Variants in RELN observed in about 807,000 individuals in gnomAD.
RELN encodes the protein reelin.
Under a neutral mutation model 427.6 loss-of-function variants are expected in RELN, and 108 were observed. The ratio of observed to expected loss-of-function variants is 0.25; its 90% confidence interval spans 0.22 to 0.30. The LOEUF is 0.30. RELN is among the 10% of genes least tolerant of loss of function. The pLI is 1.00. For synonymous variants in RELN, 1,524 were observed against 1,513.4 expected (o/e 1.01, Z -0.16); for missense variants, 3,715 against 4,302.8 (o/e 0.86, Z 3.82).
intron 1 of RELN, among the ~76,000 whole-genome samples, chr7:103,929,652 C>G (rs1795818193): frequency 6.6e-6 from 1 of 152,088 alleles, no homozygotes. Context: ...TATCTAACAC[C>G]CATATTTTCT....
intron 2 of RELN, among the ~76,000 whole-genome samples, chr7:103,913,712 C>T (rs1453201034): frequency 6.6e-6 from 1 of 151,928 alleles, no homozygotes; most frequent in African/African-American, 2.4e-5. Flanking sequence ...CAAAAGTGGC[C>T]ATTTTATTTA....
chr7:103,827,468 AT>A (rs1793171680), intron 3 of RELN, among the ~76,000 whole-genome samples: 1 of 152,042 alleles, frequency 6.6e-6, no homozygotes, highest in African/African-American at 2.4e-5. Context: ...ATTTATTGAC[AT>A]ATTTTATCTC....
intron 18 of RELN, 143 bp downstream of exon 18, chr7:103,636,092 C>G: frequency 1.4e-6 from 1 of 694,944 alleles, no homozygotes; most frequent in South Asian, 1.7e-5. Flanking sequence ...CAAATTAACT[C>G]TCAATAAACT....
intron 3 of RELN, among the ~76,000 whole-genome samples, chr7:103,783,863 T>C (rs1791953822): frequency 6.6e-6 from 1 of 152,222 alleles, no homozygotes; most frequent in African/African-American, 2.4e-5. Context: ...TTCAGCCACA[T>C]GTAGTATGAA....
chr7:103,930,785 T>C (rs1164200852), intron 1 of RELN, among the ~76,000 whole-genome samples: 1 of 152,004 alleles, frequency 6.6e-6, no homozygotes, highest in Non-Finnish European at 1.5e-5. Context: ...ACATCTCTAT[T>C]CATTGCTTTT....
intron 20 of RELN, among the ~76,000 whole-genome samples, chr7:103,617,413 G>A (rs2117304215): frequency 6.6e-6 from 1 of 152,010 alleles, no homozygotes; most frequent in African/African-American, 2.4e-5. Flanking sequence ...TGATTCTGGT[G>A]TCATGTTTTA....
intron 10 of RELN, among the ~76,000 whole-genome samples, chr7:103,695,454 T>A (rs534722221): frequency 6.6e-6 from 1 of 152,008 alleles, no homozygotes; most frequent in Non-Finnish European, 1.5e-5. Flanking sequence ...ATTGGAAAGC[T>A]TATGAGTAGG....
At chr7:103,688,209 A>G (rs1028042034) in intron 10 of RELN, among the ~76,000 whole-genome samples, 1 of 152,118 alleles carries the variant, frequency 6.6e-6, no homozygotes, top group African/African-American at 2.4e-5. Context: ...CTTAATGAAA[A>G]AAGACATGGG....
At position 103,503,243 on chromosome 7, in the gene RELN, AAAAC is replaced by A; in HGVS notation, c.8275-17_8275-14del. 1.2e-6 allele frequency: 2 copies of A among 1,610,552 alleles called. No homozygotes were observed. The highest frequency in any genetic ancestry group is 1.7e-6 in the Non-Finnish European group (2 of 1,176,832). ...ATCCAACTGAGATCTAATAAACAGA[AAAAC>A]AAGATCAAGGTATTAAAACTATATG... is the stretch of plus-strand genomic sequence containing the variant. On this transcript the variant is annotated splice_polypyrimidine_tract_variant and intron_variant, in intron 51 of 64. Transcript: ENST00000428762.
intron 6 of RELN, among the ~76,000 whole-genome samples, chr7:103,748,832 G>A (rs1790921472): frequency 6.6e-6 from 1 of 152,136 alleles, no homozygotes; most frequent in African/African-American, 2.4e-5. Flanking sequence ...TATGCAAATT[G>A]ATTTTCATTG....
intron 24 of RELN, among the ~76,000 whole-genome samples, chr7:103,601,700 T>C (rs1831672468): frequency 6.6e-6 from 1 of 152,122 alleles, no homozygotes; most frequent in Non-Finnish European, 1.5e-5. Context: ...TTCAAGACTA[T>C]ATAAGGAGAC....
chr7:103,745,706 A>C (rs35939043), intron 6 of RELN, among the ~76,000 whole-genome samples: 92,516 of 145,898 alleles, frequency 0.63, 30,291 homozygotes, highest in African/African-American at 0.81. Flanking sequence ...ATCCAACTTA[A>C]AAGGGATGTG....
In RELN at chr7:103,945,311, T is replaced by C. The variant is rs542462117; in HGVS notation, c.227-28126A>G. Among the ~76,000 whole-genome samples, 6 of 152,348 alleles carry C rather than the reference T, an allele frequency of 3.9e-5. No homozygotes were observed. In the East Asian group the frequency reaches 9.6e-4, roughly 24 times the overall value. On this transcript the variant is annotated intron_variant, in intron 1 of 64. Coordinates refer to ENST00000428762, the MANE Select transcript of RELN (RefSeq NM_005045.4). Reference sequence around the variant, plus strand: ...CCTTACCTAGGATCAGTCTTGACCATGAACACTCATAATCCATTATTACAG... The same window carrying C: ...CCTTACCTAGGATCAGTCTTGACCACGAACACTCATAATCCATTATTACAG...
At chr7:103,905,012 G>A (rs989648992) in intron 2 of RELN, among the ~76,000 whole-genome samples, 2 of 106,016 alleles carry the variant, frequency 1.9e-5, no homozygotes, top group African/African-American at 3.7e-5. Flanking sequence ...AGATAATCTC[G>A]CTTTGTCGCC....
At chr7:103,985,171 T>G (rs941099669) in intron 1 of RELN, among the ~76,000 whole-genome samples, 2 of 152,022 alleles carry the variant, frequency 1.3e-5, no homozygotes, top group Non-Finnish European at 2.9e-5. Context: ...AAAGTGGGAG[T>G]AGATATACAG....
At position 103,755,264 on chromosome 7, in the gene RELN, C is replaced by A. The variant is rs1284648275; in HGVS notation, c.545-2050G>T. ...AGGGCGGATCACGAGGTCAGGAGATCGAGACCATCCTGGCTAACACAGTGA... is the reference window on the plus strand; with the variant it reads ...AGGGCGGATCACGAGGTCAGGAGATAGAGACCATCCTGGCTAACACAGTGA... On this transcript the variant is annotated intron_variant, in intron 4 of 64. Coordinates refer to ENST00000428762, the MANE Select transcript of RELN (RefSeq NM_005045.4). Among the ~76,000 whole-genome samples the A allele has an allele frequency of 3.3e-5, 5 of 151,532 alleles. 1 individual carries two copies. In the South Asian group the frequency reaches 6.2e-4, roughly 19 times the overall value.
In RELN at chr7:103,877,483, T is replaced by C. The variant is rs543089745; in HGVS notation, c.337+39592A>G. Among the ~76,000 whole-genome samples, 52 of 152,276 alleles carry C rather than the reference T, an allele frequency of 3.4e-4. 1 individual carries two copies. In the South Asian group the frequency reaches 0.01, roughly 30 times the overall value. ...TTTTATTTCTGTAATATTTCTTAAG[T>C]ATATGCACTTCTCTCTATTCCCTCT... On this transcript the variant is annotated intron_variant, in intron 2 of 64. Coordinates refer to ENST00000428762, the MANE Select transcript of RELN (RefSeq NM_005045.4).
chr7:103,860,780 T>TATC (rs927833685), intron 2 of RELN, among the ~76,000 whole-genome samples: 16 of 152,214 alleles, frequency 1.1e-4, no homozygotes, highest in East Asian at 7.7e-4. Context: ...AGCAATGTAT[T>TATC]ATCATCATCA....
intron 3 of RELN, among the ~76,000 whole-genome samples, chr7:103,802,383 G>A (rs903105204): frequency 6.6e-6 from 1 of 152,130 alleles, no homozygotes; most frequent in Non-Finnish European, 1.5e-5. Flanking sequence ...CTGAAAAGGT[G>A]TATTAGGACA....
Sources: allele counts gnomAD v4.1 joint callset (sites outside exome capture counted in the v4.1 genomes callset), GRCh38; gene constraint gnomAD v4.1.1; transcripts MANE v1.5; gene names NCBI Gene and HGNC (gene_info 2026-07-23, HGNC 2026-07-21).